Variants in EHHADH observed in about 807,000 individuals in gnomAD.
The protein encoded by EHHADH is peroxisomal bifunctional enzyme.
Under a neutral mutation model 64.4 loss-of-function variants are expected in EHHADH, and 48 were observed. That is an observed-to-expected ratio of 0.75 (90% CI 0.59 to 0.95). The LOEUF is 0.95. Among genes scored for constraint, EHHADH ranks in the 40% least tolerant of loss-of-function variants. EHHADH has a pLI of 0.00. For missense variants in EHHADH, 854 were observed against 876.6 expected (o/e 0.97, Z 0.33); for synonymous variants, 308 against 326.7 (o/e 0.94, Z 0.62).
At chr3:185,233,613 A>C (rs925382609) in intron 3 of EHHADH, among the ~76,000 whole-genome samples, 1 of 152,166 alleles carries the variant, frequency 6.6e-6, no homozygotes, top group Non-Finnish European at 1.5e-5. Context: ...ATAGAGTATA[A>C]ACTAAATACA....
chr3:185,226,381 G>A (rs1718975461), intron 4 of EHHADH, among the ~76,000 whole-genome samples: 1 of 152,164 alleles, frequency 6.6e-6, no homozygotes. Context: ...GGGCACAGTG[G>A]CTCACGCCTG....
At position 185,192,544 on chromosome 3, in the gene EHHADH, C is replaced by G; in HGVS notation, c.1854G>C (p.Glu618Asp). Residue 618 changes from glutamate to aspartate, a missense_variant, in exon 7 of 7, where the codon GAG becomes GAC. Physicochemically the swap from Glu to Asp is conservative, Grantham distance 45. Coordinates refer to ENST00000231887, the MANE Select transcript of EHHADH (RefSeq NM_001966.4). ...GTGAATATAAGCAGCGTTCAAGGAT[C>G]TCATCCTGGCTAATGGTACGTGGTT... is the stretch of plus-strand genomic sequence containing the variant. ...HIEPRTISQDEILERCLYSLI... is the reference protein window; with the variant it reads ...HIEPRTISQDDILERCLYSLI... 6.2e-7 allele frequency: 1 copy of G among 1,614,218 alleles called. No individual in the cohort carries two copies. Among genetic ancestry groups the G allele is most frequent in the South Asian group, 1.1e-5 (1 of 91,088 alleles).
Position 185,210,288 on chromosome 3 carries a change from C to A in EHHADH, c.569-5531G>T, listed in dbSNP as rs573167452. 2.0e-5 allele frequency among the ~76,000 whole-genome samples: 3 copies of A among 152,290 alleles called. No individual in the cohort carries two copies. In the South Asian group the frequency reaches 6.2e-4, roughly 32 times the overall value. ...GTTTACGAAGTTCAGATGCCCACATCATACCTCAAAATTAACTGCTGAATT... is the reference window on the plus strand; with the variant it reads ...GTTTACGAAGTTCAGATGCCCACATAATACCTCAAAATTAACTGCTGAATT... On this transcript the variant is annotated intron_variant, in intron 5 of 6. Transcript: ENST00000231887.
chr3:185,191,121 G>C lies in EHHADH; in HGVS notation c.*1105C>G, dbSNP rs943834759. ...ATTCTAGCCTTAGGCAACCACTAAT[G>C]TACGGAAAGTATTTTTTGTAGAGAC... is the stretch of plus-strand genomic sequence containing the variant. On this transcript the variant is annotated 3_prime_UTR_variant, in exon 7 of 7. Transcript: ENST00000231887. 1 of 152,080 alleles carries C rather than the reference G, an allele frequency of 6.6e-6. No homozygotes were observed. Among genetic ancestry groups the C allele is most frequent in the Non-Finnish European group, 1.5e-5 (1 of 68,052 alleles). The allele number at this position is 152,080 out of a possible 1,614,324, so 9.4% of individuals were successfully genotyped here.
intron 4 of EHHADH, among the ~76,000 whole-genome samples, chr3:185,224,569 C>T (rs1243741983): frequency 3.3e-5 from 5 of 149,596 alleles, no homozygotes; most frequent in African/African-American, 1.2e-4. Context: ...TTCTGAATAT[C>T]GTGATTACTA....
At chr3:185,236,260 C>G (rs538227021) in intron 2 of EHHADH, among the ~76,000 whole-genome samples, 29 of 152,264 alleles carry the variant, frequency 1.9e-4, no homozygotes, top group African/African-American at 6.7e-4. Context: ...AGCGTGAACC[C>G]TATTGTGAAC....
intron 1 of EHHADH, 98 bp from the exon 2 acceptor site, chr3:185,248,615 C>A: frequency 2.5e-6 from 2 of 792,322 alleles, no homozygotes; most frequent in Non-Finnish European, 4.1e-6. Context: ...TAAACACACA[C>A]ATAATGGATA....
intron 5 of EHHADH, among the ~76,000 whole-genome samples, chr3:185,217,504 C>T (rs1718711332): frequency 7.0e-6 from 1 of 143,086 alleles, no homozygotes; most frequent in Non-Finnish European, 1.5e-5. Flanking sequence ...CAAGATCGCG[C>T]CACTGCACTC....
intron 2 of EHHADH, among the ~76,000 whole-genome samples, chr3:185,241,877 C>A (rs953101399): frequency 6.6e-6 from 1 of 152,104 alleles, no homozygotes; most frequent in Admixed American, 6.5e-5. Context: ...TTGCCTAAGC[C>A]AATGTCTAGA....
intron 4 of EHHADH, among the ~76,000 whole-genome samples, chr3:185,227,931 G>A (rs1014218404): frequency 8.6e-5 from 13 of 151,946 alleles, no homozygotes; most frequent in Admixed American, 3.3e-4. Flanking sequence ...TAACTTATCC[G>A]ATTTTCGCCA....
intron 2 of EHHADH, among the ~76,000 whole-genome samples, chr3:185,236,188 C>T (rs866210589): frequency 2.0e-5 from 3 of 152,118 alleles, no homozygotes; most frequent in Non-Finnish European, 4.4e-5. Flanking sequence ...CATGTGTGAG[C>T]GAGCATTACA....
intron 4 of EHHADH, among the ~76,000 whole-genome samples, chr3:185,225,910 C>T (rs1245589329): frequency 1.3e-5 from 2 of 152,136 alleles, no homozygotes; most frequent in South Asian, 2.1e-4. Context: ...TTTCTAGCTA[C>T]CCTACCTGAA....
chr3:185,207,243 G>A (rs564988257), intron 5 of EHHADH, among the ~76,000 whole-genome samples: 6 of 151,368 alleles, frequency 4.0e-5, no homozygotes, highest in East Asian at 2.0e-4. Flanking sequence ...AGCCAAGGTC[G>A]TGCCACTGCA....
chr3:185,221,184 A>G (rs1228733294), intron 4 of EHHADH, among the ~76,000 whole-genome samples: 4 of 152,186 alleles, frequency 2.6e-5, no homozygotes, highest in Admixed American at 1.3e-4. Context: ...AAATTATTCA[A>G]TATTCCCCCA....
chr3:185,243,412 TA>T (rs1304325432), intron 2 of EHHADH, among the ~76,000 whole-genome samples: 3 of 152,202 alleles, frequency 2.0e-5, no homozygotes, highest in African/African-American at 7.2e-5. Flanking sequence ...TCCTCATTAT[TA>T]TTTTTTTGTC....
intron 1 of EHHADH, among the ~76,000 whole-genome samples, chr3:185,249,387 CAA>C (rs1270265515): frequency 1.3e-5 from 2 of 152,176 alleles, no homozygotes; most frequent in Non-Finnish European, 2.9e-5. Context: ...CTCGGCCTCC[CAA>C]AGTGCTGGGA....
At chr3:185,194,415 C>G (rs1279750740) in intron 6 of EHHADH, among the ~76,000 whole-genome samples, 1 of 152,064 alleles carries the variant, frequency 6.6e-6, no homozygotes, top group Non-Finnish European at 1.5e-5. Context: ...GATTTCAAGA[C>G]CAGCCTGACC....
intron 1 of EHHADH, among the ~76,000 whole-genome samples, chr3:185,251,618 G>C (rs1211903304): frequency 6.7e-6 from 1 of 148,716 alleles, no homozygotes; most frequent in Non-Finnish European, 1.5e-5. Flanking sequence ...ATGTGTGTGT[G>C]TGTGTGTGTG....
chr3:185,222,240 G>T (rs1044619493), intron 4 of EHHADH, among the ~76,000 whole-genome samples: 1 of 151,954 alleles, frequency 6.6e-6, no homozygotes, highest in African/African-American at 2.4e-5. Flanking sequence ...ACAAACATTG[G>T]CTGGGTGTGC....
Sources: gnomAD v4.1 joint callset for allele counts (sites outside exome capture counted in the v4.1 genomes callset) on GRCh38, gnomAD v4.1.1 for gene constraint, MANE v1.5 for transcripts, NCBI Gene and HGNC (gene_info 2026-07-23, HGNC 2026-07-21) for gene names.